Variants in MRPS35 observed in about 807,000 individuals in gnomAD.
MRPS35 encodes mitochondrial ribosomal protein S35, also known as small ribosomal subunit protein mS35.
MRPS35 carries 29 observed loss-of-function variants against 32.7 expected under a neutral mutation model. The ratio of observed to expected loss-of-function variants is 0.89; its 90% CI spans 0.66 to 1.21. MRPS35 has a LOEUF of 1.21. Ranked by LOEUF, MRPS35 falls within the 50% of genes most tolerant of loss-of-function variation. The pLI is 0.00. For missense variants in MRPS35, 373 were observed against 383.8 expected (o/e 0.97, Z 0.23); for synonymous variants, 148 against 139.3 (o/e 1.06, Z -0.44).
At chr12:27,751,053 A>G (rs541362911) in intron 7 of MRPS35, among the ~76,000 whole-genome samples, 96 of 141,054 alleles carry the variant, frequency 6.8e-4, no homozygotes, top group South Asian at 5.3e-3. Flanking sequence ...CAGTGAGACG[A>G]GATCATGGCA....
At chr12:27,722,076 C>A (rs1197327767) in intron 4 of MRPS35, among the ~76,000 whole-genome samples, 2 of 152,174 alleles carry the variant, frequency 1.3e-5, no homozygotes, top group East Asian at 3.9e-4. Flanking sequence ...TTTTATACAG[C>A]ACATTCGGAA....
At chr12:27,729,946 C>T (rs1224638729) in intron 5 of MRPS35, among the ~76,000 whole-genome samples, 1 of 152,194 alleles carries the variant, frequency 6.6e-6, no homozygotes, top group African/African-American at 2.4e-5. Flanking sequence ...CTTTTTCACA[C>T]AGCAGTCATG....
chr12:27,734,179 TAGA>T (rs1388026502), intron 5 of MRPS35, among the ~76,000 whole-genome samples: 2 of 152,106 alleles, frequency 1.3e-5, no homozygotes, highest in Non-Finnish European at 2.9e-5. Flanking sequence ...ATGCTCTCCA[TAGA>T]AGATTAACCT....
intron 7 of MRPS35, 89 bp downstream of exon 7, chr12:27,737,697 T>G (rs1246940607): frequency 9.6e-7 from 1 of 1,038,142 alleles, no homozygotes; most frequent in Non-Finnish European, 1.5e-6. Flanking sequence ...AGTACTCAAC[T>G]GAGTATTTTG....
intron 7 of MRPS35, among the ~76,000 whole-genome samples, chr12:27,752,286 G>A (rs2062007888): frequency 1.3e-5 from 2 of 152,156 alleles, no homozygotes; most frequent in Non-Finnish European, 2.9e-5. Context: ...TGCAAGGGCT[G>A]AGGGAATCAA....
Position 27,719,804 on chromosome 12 carries a change from T to C in MRPS35, c.322-4T>C. On this transcript the variant is annotated splice_region_variant and splice_polypyrimidine_tract_variant and intron_variant, in intron 3 of 7. Coordinates refer to ENST00000081029, the MANE Select transcript of MRPS35 (RefSeq NM_021821.4). ...AATTTATCTTTTAAATTTCTCTATTTAAGATTCCCAATTTTCTGCATTTGA... is the reference window on the plus strand; with the variant it reads ...AATTTATCTTTTAAATTTCTCTATTCAAGATTCCCAATTTTCTGCATTTGA... The C allele has an allele frequency of 6.3e-7, 1 of 1,584,622 alleles. No homozygotes were observed. Among genetic ancestry groups the C allele is most frequent in the South Asian group, 1.1e-5 (1 of 89,878 alleles).
intron 7 of MRPS35, among the ~76,000 whole-genome samples, chr12:27,741,460 A>G (rs1259620626): frequency 6.6e-6 from 1 of 152,168 alleles, no homozygotes; most frequent in Non-Finnish European, 1.5e-5. Context: ...TAATGTTGAT[A>G]TTAACAATAA....
intron 7 of MRPS35, among the ~76,000 whole-genome samples, chr12:27,746,160 T>G (rs2140780768): frequency 6.6e-6 from 1 of 152,264 alleles, no homozygotes; most frequent in Non-Finnish European, 1.5e-5. Context: ...CACAGGTGAT[T>G]CTGGTGCTGA....
intron 5 of MRPS35, among the ~76,000 whole-genome samples, chr12:27,724,623 AT>A (rs1436784474): frequency 1.3e-5 from 2 of 151,998 alleles, no homozygotes; most frequent in African/African-American, 2.4e-5. Context: ...GGCACCTGTA[AT>A]CCCATCTACT....
chr12:27,754,115 G>A (rs959942289), intron 7 of MRPS35, among the ~76,000 whole-genome samples: 10 of 152,020 alleles, frequency 6.6e-5, no homozygotes, highest in African/African-American at 2.4e-4. Flanking sequence ...TTAGCTGGGC[G>A]TGGTGGTGGG....
Position 27,710,892 on chromosome 12 carries a change from A to G in MRPS35, c.49A>G (p.Arg17Gly). The part of the protein sequence containing the change: ...PAWLSLQSRA[R>G]TLRAFSTAVY... ...ATGGCTGTCTCTGCAGTCGAGGGCA[A>G]GGACTCTGCGTGCATTCTCCACTGC... The change falls in exon 1 of 8, where the codon AGG (arginine) becomes GGG (glycine). Residue 17 changes from arginine (R) to glycine (G), a missense_variant. Physicochemically the swap from Arg to Gly is moderately radical, Grantham distance 125. Coordinates refer to ENST00000081029, the MANE Select transcript of MRPS35 (RefSeq NM_021821.4). 1 of 1,612,748 alleles carries G rather than the reference A, an allele frequency of 6.2e-7. No homozygotes were observed. The highest frequency in any genetic ancestry group is 8.5e-7 in the Non-Finnish European group (1 of 1,179,920).
chr12:27,743,216 A>G (rs542916174), intron 7 of MRPS35, among the ~76,000 whole-genome samples: 1 of 151,916 alleles, frequency 6.6e-6, no homozygotes, highest in Non-Finnish European at 1.5e-5. Context: ...TCAAATATCA[A>G]GTGCACTTTC....
At position 27,735,458 on chromosome 12, in the gene MRPS35, C is replaced by T. The variant is rs2061939752; in HGVS notation, c.534C>T (p.Ser178=). 1.2e-6 allele frequency: 2 copies of T among 1,601,264 alleles called. No homozygotes were observed. The highest frequency in any genetic ancestry group is 8.5e-7 in the Non-Finnish European group (1 of 1,174,844). ...TTCTTATTTTTAAGGTAAAGCTTTC[C>T]AGTTTGAATTTAGATGATCACGCAA... is the stretch of plus-strand genomic sequence containing the variant. ...ARVVVLRVKL[S]SLNLDDHAKK... is the part of the protein sequence containing the mutation. Residue 178 remains serine, a synonymous_variant, in exon 6 of 8, where the codon TCC becomes TCT. Coordinates refer to ENST00000081029, the MANE Select transcript of MRPS35 (RefSeq NM_021821.4).
chr12:27,719,716 A>T, intron 3 of MRPS35, 92 bp from the exon 4 acceptor site: 3 of 740,278 alleles, frequency 4.1e-6, no homozygotes, highest in Non-Finnish European at 4.5e-6. Flanking sequence ...TACATGTTTT[A>T]TTGGGCCTGT....
rs781130400 is a variant in MRPS35 at position 27,755,442 on chromosome 12, G to A, written c.964G>A (p.Val322Met). The change falls in exon 8 of 8, where the codon GTG becomes ATG. Residue 322 changes from valine to methionine, a missense_variant. By Grantham distance (21) the Val-to-Met change is conservative (BLOSUM62 1). Coordinates refer to ENST00000081029, the MANE Select transcript of MRPS35 (RefSeq NM_021821.4). ...YKESVKRLLN[V>M]T ...AGAATCCGTGAAGAGACTATTAAAT[G>A]TGACATGAATTATGGAGTAGAAAAA... The A allele has an allele frequency of 4.5e-6, 7 of 1,561,750 alleles. No individual in the cohort carries two copies. Among genetic ancestry groups the A allele is most frequent in the African/African-American group, 1.4e-5 (1 of 72,208 alleles).
chr12:27,740,597 A>T (rs768317739), intron 7 of MRPS35, among the ~76,000 whole-genome samples: 1 of 152,088 alleles, frequency 6.6e-6, no homozygotes, highest in Non-Finnish European at 1.5e-5. Context: ...CTTCCCCTAG[A>T]GGTTACCTCT....
rs187991631 is a variant in MRPS35, at chr12:27,729,827, C to T, written c.523-5620C>T. ...TCCCTACTGTTACTCACCTGGACCACGCCACGTGCCATTGCACTTCCAAGT... is the reference window on the plus strand; with the variant it reads ...TCCCTACTGTTACTCACCTGGACCATGCCACGTGCCATTGCACTTCCAAGT... On this transcript the variant is annotated intron_variant, in intron 5 of 7. Transcript: ENST00000081029. 7.5e-4 allele frequency among the ~76,000 whole-genome samples: 113 copies of T among 151,580 alleles called. 3 individuals carry two copies. Among genetic ancestry groups the T allele is most frequent in the African/African-American group, 2.6e-3 (105 of 40,830 alleles).
chr12:27,730,097 G>A (rs2061915899), intron 5 of MRPS35, among the ~76,000 whole-genome samples: 3 of 152,168 alleles, frequency 2.0e-5, no homozygotes, highest in Admixed American at 6.5e-5. Context: ...ACTATGGTAC[G>A]TTTGTCACAA....
chr12:27,747,211 A>G (rs954881334), intron 7 of MRPS35, among the ~76,000 whole-genome samples: 2 of 152,134 alleles, frequency 1.3e-5, no homozygotes, highest in Admixed American at 6.5e-5. Context: ...TCTTTTTTCA[A>G]ATTGATCAGC....
Sources: gnomAD v4.1 joint callset for allele counts (sites outside exome capture counted in the v4.1 genomes callset) on GRCh38, gnomAD v4.1.1 for gene constraint, MANE v1.5 for transcripts, NCBI Gene and HGNC (gene_info 2026-07-23, HGNC 2026-07-21) for gene names.